Variants in ATP9B observed in about 807,000 individuals in gnomAD.
ATP9B encodes probable phospholipid-transporting ATPase IIB.
A neutral mutation model predicts 146.1 loss-of-function variants in ATP9B; 110 were observed. The ratio of observed to expected loss-of-function variants is 0.75; its 90% CI spans 0.65 to 0.88. ATP9B has a LOEUF of 0.88. Ranked by LOEUF, ATP9B falls within the 40% of genes least tolerant of loss-of-function variation. ATP9B has a pLI of 0.00. For missense variants in ATP9B, 1,499 were observed against 1,496.4 expected (o/e 1.00, Z -0.03); for synonymous variants, 604 against 569.7 (o/e 1.06, Z -0.86).
intron 26 of ATP9B, chr18:79,360,216 T>C (rs1356649282): frequency 6.6e-6 from 1 of 152,258 alleles, no homozygotes; most frequent in Non-Finnish European, 1.5e-5. Flanking sequence ...ACTCTGGTAT[T>C]TTCCACAAAG....
chr18:79,327,243 G>A (rs1301345485), intron 15 of ATP9B, among the ~76,000 whole-genome samples: 1 of 152,238 alleles, frequency 6.6e-6, no homozygotes, highest in Admixed American at 6.5e-5. Flanking sequence ...AAAACTGAAG[G>A]CAAGGACGTG....
intron 12 of ATP9B, among the ~76,000 whole-genome samples, chr18:79,272,256 GCAATGGATGCAGAT>G (rs1171843053): frequency 2.0e-5 from 3 of 152,310 alleles, no homozygotes; most frequent in Admixed American, 1.3e-4. Flanking sequence ...TACATCTTGT[GCAATGGATGCAGAT>G]CAAATAGCAT....
chr18:79,212,295 C>T (rs1600523208), intron 10 of ATP9B, among the ~76,000 whole-genome samples: 2 of 152,298 alleles, frequency 1.3e-5, no homozygotes. Context: ...CTTTAGCAAA[C>T]TTTAACAGAT....
intron 2 of ATP9B, among the ~76,000 whole-genome samples, chr18:79,102,406 T>A (rs577670718): frequency 2.1e-4 from 32 of 152,322 alleles, no homozygotes; most frequent in Middle Eastern, 6.8e-3. Flanking sequence ...GTTCATTTTT[T>A]AGCCAGTGCG....
intron 5 of ATP9B, among the ~76,000 whole-genome samples, chr18:79,134,891 A>G (rs1370840083): frequency 2.6e-5 from 4 of 152,252 alleles, no homozygotes; most frequent in South Asian, 2.1e-4. Flanking sequence ...TGGAAAGTCT[A>G]CTCATTCCCC....
intron 10 of ATP9B, 94 bp downstream of exon 10, chr18:79,207,106 C>T (rs2095541631): frequency 2.7e-5 from 33 of 1,236,540 alleles, no homozygotes; most frequent in Non-Finnish European, 3.7e-5. Context: ...CTCACAGTGC[C>T]CTGAAATATT....
At chr18:79,163,224 C>T (rs1568308121) in intron 7 of ATP9B, among the ~76,000 whole-genome samples, 1 of 152,156 alleles carries the variant, frequency 6.6e-6, no homozygotes, top group Non-Finnish European at 1.5e-5. Flanking sequence ...GTATTTTTAA[C>T]TGTACTTAAC....
chr18:79,274,964 A>G (rs1371124261), intron 12 of ATP9B, among the ~76,000 whole-genome samples: 2 of 152,238 alleles, frequency 1.3e-5, no homozygotes, highest in African/African-American at 4.8e-5. Flanking sequence ...CAGAAGAGCC[A>G]TCCTGGTCCT....
chr18:79,378,081 T>C lies in ATP9B; in HGVS notation c.*698T>C, dbSNP rs1247409078. ...GCAGTTCCCTCATATTCAGATTCTT[T>C]CTTTGATGTTATAACACAAAGTCAT... On this transcript the variant is annotated 3_prime_UTR_variant, in exon 30 of 30. Coordinates refer to ENST00000426216, the MANE Select transcript of ATP9B (RefSeq NM_198531.5). The C allele has an allele frequency of 6.6e-6, 1 of 152,324 alleles. No individual in the cohort carries two copies. The highest frequency in any genetic ancestry group is 1.5e-5 in the Non-Finnish European group (1 of 68,096). The allele number at this position is 152,324 out of a possible 1,614,324, so 9.4% of individuals were successfully genotyped here. A position where few individuals can be genotyped will look rare whatever the true frequency, so the allele number is the denominator to read the frequency against.
chr18:79,373,874 G>T, intron 27 of ATP9B, 24 bp from the exon 28 acceptor site: 1 of 1,612,126 alleles, frequency 6.2e-7, no homozygotes, highest in Non-Finnish European at 8.5e-7. Context: ...CGTGTGCATG[G>T]AAAAAGCTCC....
At chr18:79,141,370 T>A (rs960045057) in intron 5 of ATP9B, among the ~76,000 whole-genome samples, 4 of 152,224 alleles carry the variant, frequency 2.6e-5, no homozygotes, top group African/African-American at 9.6e-5. Context: ...GTTTTGGGTC[T>A]GTCTGTATTA....
intron 11 of ATP9B, among the ~76,000 whole-genome samples, chr18:79,242,032 C>G (rs1010850177): frequency 6.6e-6 from 1 of 152,184 alleles, no homozygotes; most frequent in African/African-American, 2.4e-5. Flanking sequence ...GGAGCACCGC[C>G]GTGGGCCTGT....
intron 10 of ATP9B, chr18:79,209,514 G>A (rs1467576309): frequency 8.8e-6 from 2 of 226,334 alleles, no homozygotes; most frequent in African/African-American, 2.3e-5. Context: ...ATCCCATACG[G>A]TTCCCTGAAC....
In ATP9B at chr18:79,214,644, A is replaced by C. The variant is rs375848994; in HGVS notation, c.1107+606A>C. On this transcript the variant is annotated intron_variant, in intron 11 of 29. Coordinates refer to ENST00000426216, the MANE Select transcript of ATP9B (RefSeq NM_198531.5). Reference sequence around the variant, plus strand: ...ATGATACCATATGTGAGATGAATTCACAGTATGTGCTAATGTACAGTTAAT... The same window carrying C: ...ATGATACCATATGTGAGATGAATTCCCAGTATGTGCTAATGTACAGTTAAT... 2.4e-3 allele frequency among the ~76,000 whole-genome samples: 363 copies of C among 152,328 alleles called. 2 individuals are homozygous for C. Among genetic ancestry groups the C allele is most frequent in the South Asian group, 6.4e-3 (31 of 4,830 alleles).
At chr18:79,083,696 G>A (rs1050328154) in intron 1 of ATP9B, among the ~76,000 whole-genome samples, 1 of 152,050 alleles carries the variant, frequency 6.6e-6, no homozygotes, top group Non-Finnish European at 1.5e-5. Context: ...CCCGGGTGAG[G>A]CGACACCCCA....
At chr18:79,274,934 C>T (rs1159830093) in intron 12 of ATP9B, among the ~76,000 whole-genome samples, 2 of 152,214 alleles carry the variant, frequency 1.3e-5, no homozygotes, top group East Asian at 1.9e-4. Flanking sequence ...ATAGGCCCCT[C>T]GTGATTGAGG....
chr18:79,090,707 A>G (rs1205291403), intron 1 of ATP9B, among the ~76,000 whole-genome samples: 1 of 152,264 alleles, frequency 6.6e-6, no homozygotes, highest in African/African-American at 2.4e-5. Flanking sequence ...CAAATAGGCA[A>G]ATATTTTCCC....
intron 5 of ATP9B, among the ~76,000 whole-genome samples, chr18:79,133,071 T>C (rs1396662221): frequency 5.9e-5 from 9 of 152,202 alleles, no homozygotes; most frequent in Admixed American, 4.6e-4. Flanking sequence ...GTTTTGTTTT[T>C]AGTAGAGGCA....
At chr18:79,256,257 C>CTCTATATA (rs1555791767) in intron 12 of ATP9B, among the ~76,000 whole-genome samples, 1 of 100,398 alleles carries the variant, frequency 1.0e-5, no homozygotes, top group Admixed American at 1.0e-4. Flanking sequence ...TTCTAGCTAG[C>CTCTATATA]TATATATATA....
Sources: gnomAD v4.1 joint callset for allele counts (sites outside exome capture counted in the v4.1 genomes callset) on GRCh38, gnomAD v4.1.1 for gene constraint, MANE v1.5 for transcripts, NCBI Gene and HGNC (gene_info 2026-07-23, HGNC 2026-07-21) for gene names.